ROR1: variants seen among roughly 807,000 people sequenced by gnomAD.
ROR1 encodes inactive tyrosine-protein kinase transmembrane receptor ROR1.
ROR1 carries 19 observed loss-of-function variants against 78.8 expected under a neutral mutation model. That is an observed-to-expected ratio of 0.24 (90% CI 0.17 to 0.35). The LOEUF is 0.35. Among genes scored for constraint, ROR1 ranks in the 10% least tolerant of loss-of-function variants. The pLI is 1.00. For missense variants in ROR1, 917 were observed against 1,177.8 expected, an observed-to-expected ratio of 0.78 and a Z score of 3.24; for synonymous variants, 386 against 433.6, an observed-to-expected ratio of 0.89 and a Z score of 1.36.
intron 1 of ROR1, among the ~76,000 whole-genome samples, chr1:63,834,295 G>T (rs934281334): frequency 6.6e-6 from 1 of 151,788 alleles, no homozygotes; most frequent in Non-Finnish European, 1.5e-5. Flanking sequence ...GTCTCTAGAA[G>T]AATTACTTTT....
intron 1 of ROR1, among the ~76,000 whole-genome samples, chr1:63,802,191 C>G (rs900136681): frequency 6.6e-6 from 1 of 152,068 alleles, no homozygotes; most frequent in Non-Finnish European, 1.5e-5. Flanking sequence ...AATTATATAG[C>G]TGAAACTGTA....
chr1:64,074,321 G>T (rs1361522419), intron 4 of ROR1, among the ~76,000 whole-genome samples: 4 of 152,136 alleles, frequency 2.6e-5, no homozygotes, highest in Non-Finnish European at 5.9e-5. Context: ...CTTCTGCAAG[G>T]TGGAGTAGCT....
chr1:64,033,125 C>T (rs570250923), intron 2 of ROR1, among the ~76,000 whole-genome samples: 66 of 152,264 alleles, frequency 4.3e-4, no homozygotes, highest in South Asian at 4.1e-4. Context: ...TACGTTTTGT[C>T]ACGTATATTT....
At chr1:64,038,085 G>A (rs1646717417) in intron 2 of ROR1, among the ~76,000 whole-genome samples, 3 of 152,130 alleles carry the variant, frequency 2.0e-5, no homozygotes, top group African/African-American at 7.2e-5. Context: ...TCACTGTTTT[G>A]CGAGGCCAAG....
chr1:64,021,138 T>C (rs1030146007), intron 2 of ROR1, among the ~76,000 whole-genome samples: 2 of 151,270 alleles, frequency 1.3e-5, no homozygotes, highest in African/African-American at 4.9e-5. Flanking sequence ...TGCAAATAAC[T>C]CATGATTTCA....
intron 5 of ROR1, 105 bp downstream of exon 5, chr1:64,137,601 G>C (rs1376720489): frequency 1.8e-6 from 2 of 1,138,820 alleles, no homozygotes; most frequent in African/African-American, 3.1e-5. Flanking sequence ...TCAGCATGGA[G>C]GTTGGGAGCA....
At chr1:64,073,482 G>T (rs1355525298) in intron 4 of ROR1, among the ~76,000 whole-genome samples, 1 of 152,134 alleles carries the variant, frequency 6.6e-6, no homozygotes, top group Non-Finnish European at 1.5e-5. Flanking sequence ...CCTAAGAACT[G>T]GACATGATGA....
At chr1:63,985,242 T>TA (rs1408877839) in intron 1 of ROR1, among the ~76,000 whole-genome samples, 1 of 152,164 alleles carries the variant, frequency 6.6e-6, no homozygotes, top group African/African-American at 2.4e-5. Flanking sequence ...AAAGTACGTA[T>TA]AAACAGCTTC....
At chr1:63,815,854 G>A (rs1201029591) in intron 1 of ROR1, among the ~76,000 whole-genome samples, 3 of 152,058 alleles carry the variant, frequency 2.0e-5, no homozygotes, top group African/African-American at 7.2e-5. Context: ...TGGGGTGGGG[G>A]ACCTGCCCAC....
intron 4 of ROR1, among the ~76,000 whole-genome samples, chr1:64,126,934 T>C (rs1648731519): frequency 6.6e-6 from 1 of 152,190 alleles, no homozygotes; most frequent in Non-Finnish European, 1.5e-5. Flanking sequence ...CACCCTCTTC[T>C]TCTCCTCTAA....
At chr1:64,111,428 G>C (rs1429742739) in intron 4 of ROR1, 1 of 152,182 alleles carries the variant, frequency 6.6e-6, no homozygotes, top group Non-Finnish European at 1.5e-5. Context: ...GACTTGTAAA[G>C]TAAATTTAGC....
chr1:63,834,275 C>T (rs1158699153), intron 1 of ROR1, among the ~76,000 whole-genome samples: 1 of 151,790 alleles, frequency 6.6e-6, no homozygotes, highest in Non-Finnish European at 1.5e-5. Context: ...ACTAGAGAGT[C>T]TAGTGTGGTG....
intron 1 of ROR1, among the ~76,000 whole-genome samples, chr1:63,970,953 C>T (rs1646114284): frequency 6.6e-6 from 1 of 152,166 alleles, no homozygotes; most frequent in East Asian, 1.9e-4. Flanking sequence ...TTCTATGTTT[C>T]TCTGGTTGTC....
intron 8 of ROR1, among the ~76,000 whole-genome samples, chr1:64,176,212 G>C (rs1404798219): frequency 6.6e-6 from 1 of 152,176 alleles, no homozygotes; most frequent in Non-Finnish European, 1.5e-5. Context: ...CACTTGCGAA[G>C]ACCTAGGGAT....
intron 2 of ROR1, 72 bp downstream of exon 2, chr1:64,009,448 C>A (rs1646458227): frequency 8.5e-7 from 1 of 1,173,762 alleles, no homozygotes; most frequent in Non-Finnish European, 1.3e-6. Context: ...GCATGACCTT[C>A]TTTGAAATCA....
intron 1 of ROR1, chr1:63,843,759 C>A: frequency 2.4e-6 from 1 of 408,374 alleles, no homozygotes; most frequent in Non-Finnish European, 4.8e-6. Context: ...TGCTGGGACC[C>A]GACTGCACTC....
chr1:63,816,053 C>G (rs1377333859), intron 1 of ROR1, among the ~76,000 whole-genome samples: 1 of 152,198 alleles, frequency 6.6e-6, no homozygotes, highest in African/African-American at 2.4e-5. Context: ...CCACAGGCTG[C>G]ACTTTATTCA....
rs115077449 is a variant in ROR1, at chr1:64,006,820, C to G, written c.92-2485C>G. Among the ~76,000 whole-genome samples, 520 of 152,230 alleles carry G rather than the reference C, an allele frequency of 3.4e-3. 6 individuals carry two copies. Among genetic ancestry groups the G allele is most frequent in the African/African-American group, 0.012 (503 of 41,524 alleles). On this transcript the variant is annotated intron_variant, in intron 1 of 8. Coordinates refer to ENST00000371079, the MANE Select transcript of ROR1 (RefSeq NM_005012.4). ...AAGAGGTAAGCCAAGGAGGTCTGCACAAACCAAACAATCCTTTTGTCTCTG... is the reference window on the plus strand; with the variant it reads ...AAGAGGTAAGCCAAGGAGGTCTGCAGAAACCAAACAATCCTTTTGTCTCTG...
intron 1 of ROR1, among the ~76,000 whole-genome samples, chr1:63,970,460 G>A (rs1446331604): frequency 6.6e-6 from 1 of 152,180 alleles, no homozygotes; most frequent in Non-Finnish European, 1.5e-5. Flanking sequence ...CACACCAATT[G>A]TTTTGTTCTC....
Sources: allele counts gnomAD v4.1 joint callset (sites outside exome capture counted in the v4.1 genomes callset), GRCh38; gene constraint gnomAD v4.1.1; transcripts MANE v1.5; gene names NCBI Gene and HGNC (gene_info 2026-07-23, HGNC 2026-07-21).